Variants in LGR6 observed in about 807,000 individuals in gnomAD.
The protein encoded by LGR6 is leucine-rich repeat-containing G protein-coupled receptor 6.
Under a neutral mutation model 69.4 loss-of-function variants are expected in LGR6, and 45 were observed. The ratio of observed to expected loss-of-function variants is 0.65; its 90% CI spans 0.51 to 0.83. The LOEUF (loss-of-function observed/expected upper bound fraction) is 0.83, where lower values mean the gene tolerates loss of function less well. Ranked by LOEUF, LGR6 falls within the 40% of genes least tolerant of loss-of-function variation. The pLI is 0.00. For synonymous variants in LGR6, 538 were observed against 555.0 expected, an observed-to-expected ratio of 0.97 and a Z score of 0.43; for missense variants, 1,108 against 1,246.7, an observed-to-expected ratio of 0.89 and a Z score of 1.68.
intron 1 of LGR6, among the ~76,000 whole-genome samples, chr1:202,202,616 A>G (rs1658876041): frequency 6.6e-6 from 1 of 152,232 alleles, no homozygotes. Context: ...TTATAATTAG[A>G]CACAGTGCTT....
chr1:202,250,844 A>G (rs1663171993), intron 4 of LGR6, among the ~76,000 whole-genome samples: 1 of 152,228 alleles, frequency 6.6e-6, no homozygotes, highest in Non-Finnish European at 1.5e-5. Context: ...TAATTTGCTC[A>G]GTAACACACA....
intron 7 of LGR6, among the ~76,000 whole-genome samples, chr1:202,299,258 T>TC (rs1485764480): frequency 3.9e-5 from 4 of 103,888 alleles, no homozygotes; most frequent in Admixed American, 9.9e-5. Context: ...AGACTCTGTC[T>TC]CAAAAAAAAA....
intron 4 of LGR6, among the ~76,000 whole-genome samples, chr1:202,274,547 GC>G (rs1406658698): frequency 2.0e-5 from 3 of 152,206 alleles, no homozygotes; most frequent in Non-Finnish European, 2.9e-5. Context: ...GGAAAACCTA[GC>G]TCAGTGCTTT....
intron 6 of LGR6, among the ~76,000 whole-genome samples, chr1:202,295,164 C>G (rs538359987): frequency 6.6e-6 from 1 of 151,992 alleles, no homozygotes; most frequent in Admixed American, 6.5e-5. Context: ...CCCATCTCTA[C>G]TAAAAATACA....
intron 5 of LGR6, 36 bp downstream of exon 5, chr1:202,276,557 CCTG>C: frequency 6.5e-7 from 1 of 1,537,320 alleles, no homozygotes; most frequent in South Asian, 1.1e-5. Context: ...CCAGTGGGGT[CCTG>C]CTGGGGGCTG....
chr1:202,259,043 T>C (rs1026436869), intron 4 of LGR6, among the ~76,000 whole-genome samples: 3 of 152,118 alleles, frequency 2.0e-5, no homozygotes, highest in Non-Finnish European at 2.9e-5. Flanking sequence ...GTATATATTA[T>C]GGTTATATAT....
intron 3 of LGR6, among the ~76,000 whole-genome samples, chr1:202,235,612 C>A (rs1371786877): frequency 6.6e-6 from 1 of 152,188 alleles, no homozygotes; most frequent in Non-Finnish European, 1.5e-5. Context: ...GTACTCTTGA[C>A]TTCAGAATGT....
rs148545916 is a variant in LGR6, at chr1:202,220,848, G to GAC, written c.213-4559_213-4558dup. 6.8e-4 allele frequency among the ~76,000 whole-genome samples: 103 copies of GAC among 150,466 alleles called. 1 individual carries two copies. The highest frequency in any genetic ancestry group is 1.7e-3 in the South Asian group (8 of 4,760). Reference sequence around the variant, plus strand: ...AAGCAGATCTTAAATGCTCCTATCAGACACACACACACACACAAACACATA... The same window carrying GAC: ...AAGCAGATCTTAAATGCTCCTATCAGACACACACACACACACACAAACACATA... On this transcript the variant is annotated intron_variant, in intron 1 of 17. Transcript: ENST00000367278.
intron 6 of LGR6, among the ~76,000 whole-genome samples, chr1:202,282,308 A>T (rs935176683): frequency 6.6e-6 from 1 of 152,126 alleles, no homozygotes; most frequent in Admixed American, 6.5e-5. Context: ...ATGTCCGGGG[A>T]GGTGTCATGG....
At chr1:202,245,369 A>G (rs1662567646) in intron 4 of LGR6, among the ~76,000 whole-genome samples, 1 of 152,108 alleles carries the variant, frequency 6.6e-6, no homozygotes, top group Admixed American at 6.5e-5. Context: ...TTGGCTCCTG[A>G]GAGATGCTAG....
intron 4 of LGR6, among the ~76,000 whole-genome samples, chr1:202,265,263 C>T (rs984957231): frequency 1.8e-4 from 28 of 152,334 alleles, no homozygotes; most frequent in Admixed American, 1.7e-3. Flanking sequence ...CCCATGCTCT[C>T]TGTCACCATG....
chr1:202,267,458 CT>C (rs1664764336), intron 4 of LGR6, among the ~76,000 whole-genome samples: 2 of 152,124 alleles, frequency 1.3e-5, no homozygotes, highest in South Asian at 4.2e-4. Flanking sequence ...GAGAAGGTTT[CT>C]TTTCATTAAA....
At chr1:202,211,286 G>T (rs781718820) in intron 1 of LGR6, among the ~76,000 whole-genome samples, 10 of 152,182 alleles carry the variant, frequency 6.6e-5, no homozygotes, top group African/African-American at 7.2e-5. Context: ...TAAAAACTGA[G>T]AATTATTCAT....
intron 4 of LGR6, among the ~76,000 whole-genome samples, chr1:202,272,378 T>C (rs1221862727): frequency 2.0e-5 from 3 of 152,206 alleles, no homozygotes; most frequent in African/African-American, 7.2e-5. Context: ...ATTTCTTCCA[T>C]GTGCTCATTC....
At chr1:202,263,439 GT>G in intron 4 of LGR6, among the ~76,000 whole-genome samples, 1 of 152,164 alleles carries the variant, frequency 6.6e-6, no homozygotes, top group South Asian at 2.1e-4. Flanking sequence ...ACATCTTTTT[GT>G]TTGTTTGTTT....
intron 3 of LGR6, among the ~76,000 whole-genome samples, chr1:202,229,912 ATCCTAGGCACGAATTACTT>A (rs1270853238): frequency 6.6e-6 from 1 of 152,216 alleles, no homozygotes. Context: ...TTCCACCTGC[ATCCTAGGCACGAATTACTT>A]TCTGATGTCT....
At chr1:202,285,533 T>C (rs571501071) in intron 6 of LGR6, among the ~76,000 whole-genome samples, 180 of 152,356 alleles carry the variant, frequency 1.2e-3, no homozygotes, top group African/African-American at 4.2e-3. Context: ...AGAAGATTGT[T>C]GGCAAGGATC....
intron 5 of LGR6, among the ~76,000 whole-genome samples, chr1:202,277,253 G>A (rs980131416): frequency 3.3e-5 from 5 of 152,016 alleles, no homozygotes; most frequent in African/African-American, 1.2e-4. Flanking sequence ...TTGCCCCCAC[G>A]CCCCCCGCTT....
intron 16 of LGR6, among the ~76,000 whole-genome samples, chr1:202,312,149 G>A (rs373870857): frequency 6.6e-6 from 1 of 152,224 alleles, no homozygotes; most frequent in African/African-American, 2.4e-5. Context: ...GGGAGCTAGG[G>A]CAGGGCCCCC....
Sources: gnomAD v4.1 joint callset for allele counts (sites outside exome capture counted in the v4.1 genomes callset) on GRCh38, gnomAD v4.1.1 for gene constraint, MANE v1.5 for transcripts, NCBI Gene and HGNC (gene_info 2026-07-23, HGNC 2026-07-21) for gene names.